The following CEP112 variants were observed in gnomAD, a reference collection of about 807,000 sequenced individuals.
CEP112 encodes centrosomal protein 112.
Under a neutral mutation model 153.0 loss-of-function variants are expected in CEP112, and 127 were observed. The observed-to-expected ratio is 0.83, with a 90% CI of 0.72 to 0.96. The LOEUF is 0.96. Among genes scored for constraint, CEP112 ranks in the 40% least tolerant of loss-of-function variants. The probability of loss-of-function intolerance (pLI) is 0.00; values close to 1 mark genes in which losing one functional copy is unlikely to be tolerated. For synonymous variants in CEP112, 358 were observed against 374.4 expected (o/e 0.96, Z 0.51); for missense variants, 1,089 against 1,101.2 (o/e 0.99, Z 0.16).
chr17:65,849,730 G>T (rs1598772001), intron 21 of CEP112, among the ~76,000 whole-genome samples: 1 of 152,344 alleles, frequency 6.6e-6, no homozygotes, highest in East Asian at 1.9e-4. Context: ...TGAACTGCTA[G>T]AAGAGTTGAC....
intron 11 of CEP112, among the ~76,000 whole-genome samples, chr17:66,058,107 A>C (rs1463694103): frequency 6.6e-6 from 1 of 151,432 alleles, no homozygotes; most frequent in Non-Finnish European, 1.5e-5. Context: ...AAAAAAAAAA[A>C]CTTCAAGCAG....
chr17:65,802,418 C>A (rs886800127), intron 21 of CEP112, among the ~76,000 whole-genome samples: 8 of 152,118 alleles, frequency 5.3e-5, no homozygotes, highest in African/African-American at 1.9e-4. Context: ...ACATCCTCAG[C>A]ATAAACATTT....
At chr17:65,887,713 G>T (rs1195008389) in intron 20 of CEP112, among the ~76,000 whole-genome samples, 3 of 152,150 alleles carry the variant, frequency 2.0e-5, no homozygotes, top group Non-Finnish European at 4.4e-5. Context: ...AGGTGGAGTA[G>T]GCAGTGCCCC....
intron 1 of CEP112, among the ~76,000 whole-genome samples, chr17:66,187,051 C>T (rs1440652608): frequency 6.6e-6 from 1 of 152,166 alleles, no homozygotes; most frequent in African/African-American, 2.4e-5. Flanking sequence ...TCTCCACTCA[C>T]TCCTTCCCCT....
chr17:65,701,585 G>T (rs2048632523), intron 23 of CEP112, among the ~76,000 whole-genome samples: 1 of 152,170 alleles, frequency 6.6e-6, no homozygotes, highest in Non-Finnish European at 1.5e-5. Flanking sequence ...ACTAGGGCTT[G>T]CCTAGTGACG....
chr17:65,867,836 T>C (rs1403147416), intron 20 of CEP112, among the ~76,000 whole-genome samples: 8 of 152,082 alleles, frequency 5.3e-5, no homozygotes, highest in South Asian at 4.1e-4. Context: ...TGCTGTCAAG[T>C]TGGAAATACT....
At chr17:65,985,749 G>A (rs1164358080) in intron 17 of CEP112, among the ~76,000 whole-genome samples, 1 of 151,814 alleles carries the variant, frequency 6.6e-6, no homozygotes, top group Non-Finnish European at 1.5e-5. Context: ...AGCTAACCGT[G>A]TTCCACTGCT....
Position 66,004,351 on chromosome 17 carries a change from C to T in CEP112, c.1736+1339G>A, listed in dbSNP as rs61507412. ...TAAATAAATCCAAAGATTAGCTGGGCGTGGTGGCGTGTGCCTGTAATCCCA... is the reference window on the plus strand; with the variant it reads ...TAAATAAATCCAAAGATTAGCTGGGTGTGGTGGCGTGTGCCTGTAATCCCA... On this transcript the variant is annotated intron_variant, in intron 17 of 26. Coordinates refer to ENST00000535342, the MANE Select transcript of CEP112 (RefSeq NM_001199165.4). 7.5e-3 allele frequency among the ~76,000 whole-genome samples: 1,144 copies of T among 152,090 alleles called. 13 individuals carry two copies. Among genetic ancestry groups the T allele is most frequent in the African/African-American group, 0.025 (1,055 of 41,490 alleles).
intron 17 of CEP112, among the ~76,000 whole-genome samples, chr17:65,969,496 T>C (rs912251836): frequency 6.6e-6 from 1 of 152,160 alleles, no homozygotes; most frequent in African/African-American, 2.4e-5. Flanking sequence ...TACACACAGG[T>C]ATACTGTATT....
chr17:65,969,993 A>G (rs1454010570), intron 17 of CEP112, among the ~76,000 whole-genome samples: 3 of 152,202 alleles, frequency 2.0e-5, no homozygotes, highest in Non-Finnish European at 1.5e-5. Flanking sequence ...CACGCATGTT[A>G]CACACATATC....
chr17:65,983,482 G>C (rs1426259645), intron 17 of CEP112, among the ~76,000 whole-genome samples: 2 of 152,122 alleles, frequency 1.3e-5, no homozygotes, highest in Non-Finnish European at 1.5e-5. Flanking sequence ...GGAGGTGTTG[G>C]CTTATGGGAG....
At chr17:66,082,520 T>C (rs2067761400) in intron 8 of CEP112, among the ~76,000 whole-genome samples, 1 of 152,150 alleles carries the variant, frequency 6.6e-6, no homozygotes. Context: ...TCCTAGCACT[T>C]TGGGAGGCAG....
chr17:65,957,892 T>C (rs1459708736), intron 18 of CEP112, among the ~76,000 whole-genome samples: 1 of 152,188 alleles, frequency 6.6e-6, no homozygotes, highest in Non-Finnish European at 1.5e-5. Context: ...GAGTCTCACA[T>C]ATTTATGACA....
At chr17:65,927,719 T>A (rs762424127) in intron 18 of CEP112, 30 bp from the exon 19 acceptor site, 1 of 1,378,642 alleles carries the variant, frequency 7.3e-7, no homozygotes, top group South Asian at 1.4e-5. Context: ...AATATTAATT[T>A]TTTAAACAAA....
At chr17:65,643,703 G>A (rs1396225962) in intron 24 of CEP112, among the ~76,000 whole-genome samples, 2 of 152,196 alleles carry the variant, frequency 1.3e-5, no homozygotes, top group African/African-American at 4.8e-5. Flanking sequence ...TCCTCTGAGA[G>A]ATGCCTTCAT....
At chr17:66,142,165 T>C (rs778831515) in intron 4 of CEP112, among the ~76,000 whole-genome samples, 4 of 152,334 alleles carry the variant, frequency 2.6e-5, no homozygotes, top group African/African-American at 4.8e-5. Context: ...ATGTCCACTT[T>C]GGAGAAACGT....
At chr17:65,757,966 G>A (rs2052385651) in intron 21 of CEP112, among the ~76,000 whole-genome samples, 1 of 152,002 alleles carries the variant, frequency 6.6e-6, no homozygotes, top group African/African-American at 2.4e-5. Flanking sequence ...AGCATAACTT[G>A]AACAAATATA....
chr17:65,937,511 G>A (rs1454429687), intron 18 of CEP112, among the ~76,000 whole-genome samples: 53 of 121,694 alleles, frequency 4.4e-4, no homozygotes, highest in South Asian at 2.1e-3. Flanking sequence ...CAACCGCCCC[G>A]TCTGAGAAGT....
At chr17:65,966,891 G>C (rs1270117950) in intron 17 of CEP112, among the ~76,000 whole-genome samples, 1 of 152,108 alleles carries the variant, frequency 6.6e-6, no homozygotes. Flanking sequence ...TGAATATATG[G>C]TAATACTTCC....
Sources: allele counts gnomAD v4.1 joint callset (sites outside exome capture counted in the v4.1 genomes callset), GRCh38; gene constraint gnomAD v4.1.1; transcripts MANE v1.5; gene names NCBI Gene and HGNC (gene_info 2026-07-23, HGNC 2026-07-21).